Variants in MZT2A observed in about 807,000 individuals in gnomAD.
MZT2A encodes the protein mitotic-spindle organizing protein 2A.
Under a neutral mutation model 12.4 loss-of-function variants are expected in MZT2A, and 8 were observed. The ratio of observed to expected loss-of-function variants is 0.64; its 90% CI spans 0.38 to 1.16. The LOEUF (loss-of-function observed/expected upper bound fraction) is 1.16. Among genes scored for constraint, MZT2A ranks in the 50% most tolerant of loss-of-function variants. The pLI, the probability that MZT2A is intolerant of heterozygous loss-of-function variation, is 0.01. For synonymous variants in MZT2A, 88 were observed against 107.5 expected (o/e 0.82, Z 1.12); for missense variants, 181 against 223.6 (o/e 0.81, Z 1.22).
At chr2:131,476,671 C>T (rs1247272439) in intron 2 of MZT2A, among the ~76,000 whole-genome samples, 1 of 152,172 alleles carries the variant, frequency 6.6e-6, no homozygotes. Context: ...CGGCGGCTCA[C>T]GCCTGGAATC....
chr2:131,472,101 G>A (rs775366853), exon 3 of MZT2A: 292 of 1,290,558 alleles, frequency 2.3e-4, no homozygotes, highest in Non-Finnish European at 2.9e-4. Flanking sequence ...GCCACACCAT[G>A]CGGTGCTGCT....
downstream of MZT2A, among the ~76,000 whole-genome samples, chr2:131,481,044 C>T (rs538294400): frequency 2.6e-4 from 40 of 151,784 alleles, no homozygotes; most frequent in Middle Eastern, 6.9e-3. Flanking sequence ...GCTGGGATTA[C>T]AGGTACCCGC....
chr2:131,479,074 G>A (rs116727903), downstream of MZT2A, among the ~76,000 whole-genome samples: 2,490 of 152,352 alleles, frequency 0.016, 70 homozygotes, highest in African/African-American at 0.057. Flanking sequence ...GGAACTGGTT[G>A]TGCTGACATT....
intron 2 of MZT2A, among the ~76,000 whole-genome samples, chr2:131,485,964 C>T (rs1180284402): frequency 6.6e-6 from 1 of 151,602 alleles, no homozygotes; most frequent in African/African-American, 2.4e-5. Context: ...ATAGGACGGC[C>T]CTCCTTATGA....
At position 131,476,190 on chromosome 2, in the gene MZT2A, G is replaced by A. The variant is rs139373599; in HGVS notation, c.279-4008C>T. The A allele has an allele frequency of 6.8e-3, 10,898 of 1,613,116 alleles. 604 individuals carry two copies. In the African/African-American group the frequency reaches 0.12, roughly 18 times the overall value. ...GGCAGTAGCGTTGGGCTGAAGCAGC[G>A]GAGTTCGCCATGGTAAGGCCCGGGT... On this transcript the variant is annotated intron_variant and NMD_transcript_variant, in intron 2 of 4. Coordinates refer to the MZT2A transcript ENST00000427024.
At chr2:131,486,765 CA>C (rs1216128757) in intron 2 of MZT2A, among the ~76,000 whole-genome samples, 5 of 152,062 alleles carry the variant, frequency 3.3e-5, no homozygotes, top group African/African-American at 1.2e-4. Flanking sequence ...GCTGGGACTA[CA>C]AGCATGGGGC....
chr2:131,484,690 C>T (rs1678986423), intron 2 of MZT2A, among the ~76,000 whole-genome samples: 1 of 152,208 alleles, frequency 6.6e-6, no homozygotes. Flanking sequence ...GGAAGTACTG[C>T]AGTCACCAAG....
At chr2:131,471,095 G>A (rs1704973056) in intron 3 of MZT2A, among the ~76,000 whole-genome samples, 1 of 138,222 alleles carries the variant, frequency 7.2e-6, no homozygotes, top group Non-Finnish European at 1.5e-5. Flanking sequence ...GCTGGACTAA[G>A]ACTGGAAGTG....
chr2:131,485,185 C>G (rs1184104280), intron 2 of MZT2A, among the ~76,000 whole-genome samples: 2 of 152,192 alleles, frequency 1.3e-5, no homozygotes, highest in African/African-American at 2.4e-5. Context: ...CGTGTGTCCC[C>G]TGCCTGACTC....
At chr2:131,475,801 G>A (rs3861758) in intron 2 of MZT2A, among the ~76,000 whole-genome samples, 63,070 of 151,596 alleles carry the variant, frequency 0.42, 15,244 homozygotes, top group East Asian at 0.76. Flanking sequence ...CAGGGAGAGG[G>A]GCAGGCCTGG....
chr2:131,488,093 C>G (rs557845436), intron 2 of MZT2A, among the ~76,000 whole-genome samples: 4 of 152,252 alleles, frequency 2.6e-5, no homozygotes, highest in Non-Finnish European at 5.9e-5. Flanking sequence ...GCATACCACA[C>G]GCAGTGCAAT....
chr2:131,492,164 G>C (rs767548418), intron 1 of MZT2A, 43 bp downstream of exon 1: 2 of 1,535,588 alleles, frequency 1.3e-6, no homozygotes, highest in Non-Finnish European at 1.8e-6. Flanking sequence ...AGCAGAGGTC[G>C]GGGGTGTCTG....
At chr2:131,490,169 G>C in intron 2 of MZT2A, 1 of 708,314 alleles carries the variant, frequency 1.4e-6, no homozygotes, top group Non-Finnish European at 1.7e-6. Context: ...ACAGGCCCCT[G>C]ATCACACCTG....
At chr2:131,491,242 C>G in intron 2 of MZT2A, 1 of 384,372 alleles carries the variant, frequency 2.6e-6, no homozygotes, top group South Asian at 2.4e-5. Flanking sequence ...AGTCACCACA[C>G]TGGAGAGGGA....
chr2:131,486,715 C>T (rs373738185), intron 2 of MZT2A, among the ~76,000 whole-genome samples: 122 of 151,958 alleles, frequency 8.0e-4, no homozygotes, highest in East Asian at 2.7e-3. Context: ...TGCCCGGAAC[C>T]CATGGCCTCG....
chr2:131,485,468 G>T (rs561600548), intron 2 of MZT2A, among the ~76,000 whole-genome samples: 2 of 152,252 alleles, frequency 1.3e-5, no homozygotes, highest in East Asian at 3.9e-4. Context: ...TCAGTGCGGT[G>T]TGCCTAGGCA....
intron 2 of MZT2A, chr2:131,490,437 A>C (rs774402151): frequency 2.3e-6 from 3 of 1,297,260 alleles, no homozygotes; most frequent in Non-Finnish European, 3.0e-6. Context: ...TCCCCTGGAG[A>C]GGGGCTCTTT....
chr2:131,487,143 C>A (rs777065432), intron 2 of MZT2A, among the ~76,000 whole-genome samples: 2 of 152,098 alleles, frequency 1.3e-5, no homozygotes, highest in African/African-American at 4.8e-5. Flanking sequence ...CTGGAGGGCC[C>A]TCCTAAACGC....
In MZT2A at chr2:131,471,266, C is replaced by T. The variant is rs576515871; in HGVS notation, c.393+802G>A. On this transcript the variant is annotated intron_variant and NMD_transcript_variant, in intron 3 of 4. Coordinates refer to the MZT2A transcript ENST00000427024. ...AGACAAGTCATGCAGGGGGATGATACTACAGATTATCTTAAGAAGCAATTT... is the reference window on the plus strand; with the variant it reads ...AGACAAGTCATGCAGGGGGATGATATTACAGATTATCTTAAGAAGCAATTT... Among the ~76,000 whole-genome samples, 7 of 140,484 alleles carry T rather than the reference C, an allele frequency of 5.0e-5. 1 individual carries two copies. The highest frequency in any genetic ancestry group is 9.8e-5 in the African/African-American group (3 of 30,494). The allele number at this position is 140,484 out of a possible 152,430, so 92.2% of individuals were successfully genotyped here. A position where few individuals can be genotyped will look rare whatever the true frequency, so the allele number is the denominator to read the frequency against.
Sources: allele counts gnomAD v4.1 joint callset (sites outside exome capture counted in the v4.1 genomes callset), GRCh38; gene constraint gnomAD v4.1.1; transcripts MANE v1.5; gene names NCBI Gene and HGNC (gene_info 2026-07-23, HGNC 2026-07-21).